The following BANP variants were observed in gnomAD, a reference collection of about 807,000 sequenced individuals.
BANP encodes the protein protein BANP.
Under a neutral mutation model 68.1 loss-of-function variants are expected in BANP, and 11 were observed. The observed-to-expected ratio is 0.16, with a 90% confidence interval of 0.10 to 0.27. The LOEUF (loss-of-function observed/expected upper bound fraction) is 0.27. Ranked by LOEUF, BANP falls within the 10% of genes least tolerant of loss-of-function variation. The probability of loss-of-function intolerance (pLI) is 1.00; values close to 1 mark genes in which losing one functional copy is unlikely to be tolerated. For synonymous variants in BANP, 329 were observed against 303.2 expected, an observed-to-expected ratio of 1.09 and a Z score of -0.88; for missense variants, 504 against 722.7, an observed-to-expected ratio of 0.70 and a Z score of 3.47.
At chr16:88,033,313 C>A in intron 9 of BANP, 68 bp downstream of exon 9, 5 of 1,409,236 alleles carry the variant, frequency 3.5e-6, no homozygotes, top group Non-Finnish European at 4.7e-6. Context: ...AGGGCCATGG[C>A]GGCTTCCACC....
intron 11 of BANP, among the ~76,000 whole-genome samples, chr16:88,041,693 G>GA (rs1315710259): frequency 3.2e-4 from 1 of 3,126 alleles, no homozygotes; most frequent in East Asian, 0.25. Context: ...CGCATCCTCT[G>GA]GTTCTTTGCC....
intron 6 of BANP, among the ~76,000 whole-genome samples, chr16:88,012,326 T>G (rs74040259): frequency 0.015 from 2,344 of 152,318 alleles, 58 homozygotes; most frequent in African/African-American, 0.054. Flanking sequence ...ATAAACAGCT[T>G]GAGTAAGCCT....
chr16:87,954,176 T>G (rs1428529039), intron 1 of BANP, among the ~76,000 whole-genome samples: 1 of 152,212 alleles, frequency 6.6e-6, no homozygotes, highest in Non-Finnish European at 1.5e-5. Flanking sequence ...GTCTTTATCC[T>G]TCCTTCTGTG....
chr16:88,027,906 G>A (rs1436803324), intron 8 of BANP, among the ~76,000 whole-genome samples: 4 of 152,280 alleles, frequency 2.6e-5, no homozygotes, highest in Non-Finnish European at 2.9e-5. Flanking sequence ...CCTCCCGGAA[G>A]TCTTCTGGAT....
chr16:88,055,330 T>C (rs2084737168), intron 11 of BANP, among the ~76,000 whole-genome samples: 1 of 150,754 alleles, frequency 6.6e-6, no homozygotes, highest in Non-Finnish European at 1.5e-5. Flanking sequence ...TACGTACACA[T>C]GACGCGTGTA....
chr16:87,965,985 T>G (rs1299222207), intron 1 of BANP, among the ~76,000 whole-genome samples: 1 of 152,202 alleles, frequency 6.6e-6, no homozygotes, highest in Non-Finnish European at 1.5e-5. Flanking sequence ...CCCAACTGTC[T>G]TGGATGTGTT....
chr16:88,048,546 G>T (rs1324666515), intron 11 of BANP, among the ~76,000 whole-genome samples: 1 of 151,694 alleles, frequency 6.6e-6, no homozygotes, highest in Non-Finnish European at 1.5e-5. Context: ...CAGTGTTCTT[G>T]GTATCGAATC....
intron 4 of BANP, among the ~76,000 whole-genome samples, chr16:87,997,487 G>A (rs1381487642): frequency 6.6e-6 from 1 of 152,264 alleles, no homozygotes; most frequent in East Asian, 1.9e-4. Flanking sequence ...GGTAAAGTGG[G>A]TAAAATAGCC....
At chr16:87,962,256 A>AAAAAAAAAAAAAAAAC (rs2059319230) in intron 1 of BANP, among the ~76,000 whole-genome samples, 2 of 147,566 alleles carry the variant, frequency 1.4e-5, no homozygotes, top group African/African-American at 2.6e-5. Context: ...AAAAAAAAAA[A>AAAAAAAAAAAAAAAAC]GAAAGCACAT....
intron 6 of BANP, among the ~76,000 whole-genome samples, chr16:88,007,450 G>A (rs1269690008): frequency 1.3e-5 from 2 of 152,136 alleles, no homozygotes; most frequent in African/African-American, 4.8e-5. Flanking sequence ...CCTGGCCCTC[G>A]GCCTGCCCAG....
At chr16:88,008,864 GT>G in intron 6 of BANP, among the ~76,000 whole-genome samples, 1 of 152,176 alleles carries the variant, frequency 6.6e-6, no homozygotes, top group Non-Finnish European at 1.5e-5. Context: ...TGAAGGAGAG[GT>G]CATCATCCAG....
At chr16:87,980,274 C>A (rs1328014989) in intron 2 of BANP, among the ~76,000 whole-genome samples, 2 of 152,204 alleles carry the variant, frequency 1.3e-5, no homozygotes, top group East Asian at 3.8e-4. Flanking sequence ...AGGAAAAGGA[C>A]TAGAAGGGTC....
intron 8 of BANP, among the ~76,000 whole-genome samples, chr16:88,030,237 A>G (rs922602869): frequency 1.3e-5 from 2 of 152,250 alleles, no homozygotes; most frequent in African/African-American, 2.4e-5. Flanking sequence ...ATTGTGACCT[A>G]TGATCAGAAA....
intron 2 of BANP, among the ~76,000 whole-genome samples, chr16:87,976,707 A>C (rs2145858545): frequency 6.6e-6 from 1 of 152,256 alleles, no homozygotes; most frequent in East Asian, 1.9e-4. Flanking sequence ...TAGTCGAGAA[A>C]ACTACCTTTG....
At chr16:88,031,088 G>A (rs572359684) in intron 8 of BANP, among the ~76,000 whole-genome samples, 5 of 152,344 alleles carry the variant, frequency 3.3e-5, no homozygotes, top group African/African-American at 9.6e-5. Context: ...AGGCTTGCTC[G>A]AGGACCTGTG....
At chr16:88,042,187 G>A (rs1437610500) in intron 11 of BANP, among the ~76,000 whole-genome samples, 1 of 152,258 alleles carries the variant, frequency 6.6e-6, no homozygotes, top group South Asian at 2.1e-4. Context: ...CCAGTGTTGG[G>A]GGGTAGCAGT....
Position 87,981,051 on chromosome 16 carries a change from A to G in BANP, c.86A>G (p.His29Arg). The part of the protein sequence containing the change: ...SPDHPVVLEN[H>R]VVTDEDEPAL... ...CTGATTTCAGTTGTTTTGGAGAATC[A>G]TGTAGTGACAGATGAAGACGAACCT... Residue 29 changes from histidine to arginine, a missense_variant, in exon 3 of 14, where the codon CAT (histidine) becomes CGT (arginine). His to Arg is a conservative substitution (Grantham distance 29). Transcript: ENST00000682872. 6.2e-7 allele frequency: 1 copy of G among 1,613,224 alleles called. No individual in the cohort carries two copies. Among genetic ancestry groups the G allele is most frequent in the South Asian group, 1.1e-5 (1 of 91,068 alleles).
chr16:87,964,261 G>C (rs1468203143), intron 1 of BANP, among the ~76,000 whole-genome samples: 1 of 152,262 alleles, frequency 6.6e-6, no homozygotes, highest in Admixed American at 6.5e-5. Flanking sequence ...GTATTCACTG[G>C]ATGCGGTGCG....
chr16:88,021,564 G>C (rs532258676), intron 7 of BANP, among the ~76,000 whole-genome samples: 6 of 152,334 alleles, frequency 3.9e-5, no homozygotes, highest in South Asian at 2.1e-4. Context: ...TGCGTGGCTC[G>C]TGCTTAGACG....
Sources: allele counts gnomAD v4.1 joint callset (sites outside exome capture counted in the v4.1 genomes callset), GRCh38; gene constraint gnomAD v4.1.1; transcripts MANE v1.5; gene names NCBI Gene and HGNC (gene_info 2026-07-23, HGNC 2026-07-21).